TECTA: variants seen among roughly 807,000 people sequenced by gnomAD.
The protein encoded by TECTA is tectorin alpha, also known as alpha-tectorin.
Under a neutral mutation model 216.8 loss-of-function variants are expected in TECTA, and 128 were observed. The observed-to-expected ratio is 0.59, with a 90% CI of 0.51 to 0.68. The LOEUF (loss-of-function observed/expected upper bound fraction) is 0.68, where lower values mean the gene tolerates loss of function less well. Among genes scored for constraint, TECTA ranks in the 30% least tolerant of loss-of-function variants. The pLI is 0.00. For missense variants in TECTA, 2,551 were observed against 2,786.2 expected, an observed-to-expected ratio of 0.92 and a Z score of 1.90; for synonymous variants, 1,089 against 1,117.1, an observed-to-expected ratio of 0.97 and a Z score of 0.50.
At chr11:121,116,213 G>T (rs1454284472) in intron 6 of TECTA, among the ~76,000 whole-genome samples, 4 of 152,186 alleles carry the variant, frequency 2.6e-5, no homozygotes, top group Admixed American at 2.6e-4. Context: ...ATTTGAGATT[G>T]TACCCTCCTC....
intron 6 of TECTA, among the ~76,000 whole-genome samples, chr11:121,115,560 C>T (rs1946493889): frequency 6.6e-6 from 1 of 152,156 alleles, no homozygotes; most frequent in Non-Finnish European, 1.5e-5. Context: ...GTGCCTTTAT[C>T]CCCTCAGATA....
intron 20 of TECTA, among the ~76,000 whole-genome samples, chr11:121,184,965 G>C (rs565260050): frequency 2.6e-5 from 4 of 152,276 alleles, no homozygotes; most frequent in Admixed American, 2.0e-4. Context: ...AACATAAAAG[G>C]GTTAAGATAT....
rs1946962600 is a variant in TECTA, at chr11:121,158,133, A to G, written c.4598A>G (p.Lys1533Arg). ...ISFQLIINFDKWSAPNLTIIS... is the reference protein window; with the variant it reads ...ISFQLIINFDRWSAPNLTIIS... Reference sequence around the variant, plus strand: ...TTCCAGCTTATCATCAACTTCGACAAGTGGTCGGCCCCCAACCTCACCATC... The same window carrying G: ...TTCCAGCTTATCATCAACTTCGACAGGTGGTCGGCCCCCAACCTCACCATC... The change falls in exon 14 of 24, where the codon AAG (lysine) becomes AGG (arginine). Residue 1533 changes from lysine to arginine, a missense_variant. By Grantham distance (26) the Lys-to-Arg change is conservative (BLOSUM62 2). Around this residue, in one of 3 missense-constraint regions of TECTA, gnomAD observed 2,375 missense variants for 2,563.9 expected, o/e 0.93. Coordinates refer to ENST00000392793, the MANE Select transcript of TECTA (RefSeq NM_005422.4). 1 of 1,614,160 alleles carries G rather than the reference A, an allele frequency of 6.2e-7. No individual in the cohort carries two copies. Among genetic ancestry groups the G allele is most frequent in the Non-Finnish European group, 8.5e-7 (1 of 1,180,020 alleles).
At chr11:121,146,426 T>C (rs889852791) in intron 12 of TECTA, 3 of 403,118 alleles carry the variant, frequency 7.4e-6, no homozygotes, top group Non-Finnish European at 8.5e-6. Context: ...AATAGAATGC[T>C]AACGAGATTA....
rs200821009 is a variant in TECTA, at chr11:121,137,446, C to A, written c.2967C>A (p.His989Gln). The change falls in exon 11 of 24, where the codon CAC becomes CAA. Residue 989 changes from histidine (H) to glutamine (Q), a missense_variant. His to Gln is a conservative substitution (Grantham distance 24). Transcript: ENST00000392793. Reference protein sequence around the residue: ...FCPLECPENSHFEECITCTET... With the variant: ...FCPLECPENSQFEECITCTET... The stretch of plus-strand genomic sequence containing the variant: ...CACTGGAGTGCCCAGAGAACAGCCA[C>A]TTTGAGGAGTGCATCACATGTACAG... The A allele has an allele frequency of 5.5e-5, 88 of 1,613,978 alleles. 1 individual carries two copies. The East Asian group carries it at 1.8e-3, about 34-fold the overall frequency.
intron 9 of TECTA, among the ~76,000 whole-genome samples, chr11:121,129,040 T>A (rs1946645171): frequency 1.3e-5 from 2 of 152,240 alleles, no homozygotes; most frequent in Admixed American, 1.3e-4. Context: ...TTATGTCACC[T>A]GAAGTCTAGT....
At chr11:121,130,704 C>T (rs1946665869) in intron 10 of TECTA, among the ~76,000 whole-genome samples, 1 of 152,224 alleles carries the variant, frequency 6.6e-6, no homozygotes, top group African/African-American at 2.4e-5. Context: ...TCTGACCCCT[C>T]TCAGCAATGC....
At chr11:121,137,010 A>G (rs950396869) in intron 10 of TECTA, among the ~76,000 whole-genome samples, 2 of 152,230 alleles carry the variant, frequency 1.3e-5, no homozygotes, top group Non-Finnish European at 2.9e-5. Flanking sequence ...TGTGTGAATG[A>G]AGGGGTGCCA....
At chr11:121,141,783 T>C (rs581786) in intron 11 of TECTA, among the ~76,000 whole-genome samples, 48,462 of 152,164 alleles carry the variant, frequency 0.32, 11,030 homozygotes, top group African/African-American at 0.65. Flanking sequence ...TGTATTGATG[T>C]CTGTTCTCTA....
At chr11:121,185,316 T>C (rs1200380006) in intron 20 of TECTA, among the ~76,000 whole-genome samples, 1 of 151,156 alleles carries the variant, frequency 6.6e-6, no homozygotes, top group Non-Finnish European at 1.5e-5. Context: ...AGATGTTCAA[T>C]GCTTAATGAG....
chr11:121,118,019 T>C (rs1430697980), intron 6 of TECTA, among the ~76,000 whole-genome samples: 3 of 152,172 alleles, frequency 2.0e-5, no homozygotes, highest in African/African-American at 7.2e-5. Flanking sequence ...TGAATGTGAG[T>C]TTGCTCACCA....
Position 121,189,088 on chromosome 11 carries a change from A to C in TECTA, c.6171A>C (p.Pro2057=). 1.2e-6 allele frequency: 2 copies of C among 1,614,212 alleles called. No individual in the cohort carries two copies. Among genetic ancestry groups the C allele is most frequent in the Non-Finnish European group, 1.7e-6 (2 of 1,180,014 alleles). ...GGTATTCTGTCTTGCAGACTTGCCC[A>C]CACAATTCCAGGATTGCCACAGATT... ...SEKYSCKITC[P]HNSRIATDYT... The change falls in exon 22 of 24, where the codon CCA becomes CCC. Residue 2057 remains proline, a synonymous_variant. Transcript: ENST00000392793.
At chr11:121,112,688 C>T (rs1041845420) in intron 4 of TECTA, among the ~76,000 whole-genome samples, 1 of 152,160 alleles carries the variant, frequency 6.6e-6, no homozygotes, top group Non-Finnish European at 1.5e-5. Context: ...CAAGGGGAAC[C>T]GGTGGTTGCA....
At position 121,162,343 on chromosome 11, in the gene TECTA, A is replaced by G; in HGVS notation, c.5245A>G (p.Thr1749Ala). 1 of 1,613,550 alleles carries G rather than the reference A, an allele frequency of 6.2e-7. No homozygotes were observed. The change falls in exon 16 of 24, where the codon ACC becomes GCC. Residue 1749 changes from threonine (T) to alanine (A), a missense_variant. This residue lies in a region of TECTA where 2,375 missense variants were observed against 2,563.9 expected (regional missense o/e 0.93). Transcript: ENST00000392793. Reference protein sequence around the residue: ...EACRSFGILSTEWIEKENCSG... With the variant: ...EACRSFGILSAEWIEKENCSG... ...CTGCCGCTCCTTCGGGATCCTTAGC[A>G]CCGAGTGGATTGAGAAGGAGAATTG...
chr11:121,161,354 T>C (rs1946996091), intron 15 of TECTA, among the ~76,000 whole-genome samples: 2 of 152,104 alleles, frequency 1.3e-5, no homozygotes, highest in African/African-American at 4.8e-5. Flanking sequence ...ATTCCTAATT[T>C]GGTGCTTACT....
chr11:121,123,496 G>A (rs745610669), intron 7 of TECTA, among the ~76,000 whole-genome samples: 2 of 152,136 alleles, frequency 1.3e-5, no homozygotes, highest in African/African-American at 2.4e-5. Context: ...TGCCTGTCTG[G>A]CTTCTCTGTT....
Position 121,162,237 on chromosome 11 carries a change from C to T in TECTA, c.5139C>T (p.Phe1713=). 1.2e-6 allele frequency: 2 copies of T among 1,614,168 alleles called. No individual in the cohort carries two copies. Among genetic ancestry groups the T allele is most frequent in the Non-Finnish European group, 1.7e-6 (2 of 1,180,054 alleles). ...ATGGGCTTCTCGATCCCCTCCCATT[C>T]TACGAGTCCTGCTACCTGGACGGCT... The part of the protein sequence containing the change: ...PCYGLLDPLP[F]YESCYLDGCY... The change falls in exon 16 of 24, where the codon TTC becomes TTT. Residue 1713 remains phenylalanine (F), a synonymous_variant. Coordinates refer to ENST00000392793, the MANE Select transcript of TECTA (RefSeq NM_005422.4).
chr11:121,143,586 T>G (rs1946804826), intron 11 of TECTA, among the ~76,000 whole-genome samples: 2 of 152,222 alleles, frequency 1.3e-5, no homozygotes, highest in South Asian at 4.1e-4. Context: ...GCCTGGGAAC[T>G]CCTAGGGAAA....
Position 121,153,172 on chromosome 11 carries a change from C to T in TECTA, c.4305+92C>T, listed in dbSNP as rs535343926. Reference sequence around the variant, plus strand: ...TTGGTCAGATTGACCAATTTTCCCACTTCATTATGAAGAGCGTCGTGTTCG... The same window carrying T: ...TTGGTCAGATTGACCAATTTTCCCATTTCATTATGAAGAGCGTCGTGTTCG... On this transcript the variant is annotated intron_variant, in intron 13 of 23. Transcript: ENST00000392793. 1.9e-5 allele frequency: 27 copies of T among 1,453,536 alleles called. No individual in the cohort carries two copies. In the East Asian group the frequency reaches 5.4e-4, roughly 29 times the overall value. 90.0% of individuals were successfully genotyped at this position (1,453,536 alleles called of 1,614,324 possible).
Sources: gnomAD v4.1 joint callset for allele counts (sites outside exome capture counted in the v4.1 genomes callset) on GRCh38, gnomAD v4.1.1 for gene constraint, gnomAD v4.1.1 regional missense constraint, MANE v1.5 for transcripts, NCBI Gene and HGNC (gene_info 2026-07-23, HGNC 2026-07-21) for gene names.